BICD2: variants seen among roughly 807,000 people sequenced by gnomAD.
The protein encoded by BICD2 is protein bicaudal D homolog 2.
A neutral mutation model predicts 72.9 loss-of-function variants in BICD2; 25 were observed. The ratio of observed to expected loss-of-function variants is 0.34; its 90% CI spans 0.25 to 0.48. The LOEUF (loss-of-function observed/expected upper bound fraction) is 0.48. Ranked by LOEUF, BICD2 falls within the 20% of genes least tolerant of loss-of-function variation. The probability of loss-of-function intolerance (pLI) is 0.99; values close to 1 mark genes in which losing one functional copy is unlikely to be tolerated. For synonymous variants in BICD2, 501 were observed against 516.1 expected (o/e 0.97, Z 0.40); for missense variants, 894 against 1,175.2 (o/e 0.76, Z 3.50).
intron 1 of BICD2, among the ~76,000 whole-genome samples, chr9:92,742,998 A>G (rs759927458): frequency 6.6e-6 from 1 of 152,204 alleles, no homozygotes; most frequent in South Asian, 2.1e-4. Context: ...TTAGGCTATT[A>G]TAAGTGGAAC....
chr9:92,756,496 C>T (rs1854260571), intron 1 of BICD2, among the ~76,000 whole-genome samples: 1 of 151,202 alleles, frequency 6.6e-6, no homozygotes, highest in Non-Finnish European at 1.5e-5. Flanking sequence ...CTGCTGACCT[C>T]GTGATCCGCC....
At chr9:92,763,942 A>C (rs541952066) in intron 1 of BICD2, among the ~76,000 whole-genome samples, 1 of 152,270 alleles carries the variant, frequency 6.6e-6, no homozygotes, top group Non-Finnish European at 1.5e-5. Flanking sequence ...GCCCCTACTC[A>C]CTTAGGCCGC....
chr9:92,737,545 G>A (rs1460264470), intron 1 of BICD2, among the ~76,000 whole-genome samples: 2 of 152,164 alleles, frequency 1.3e-5, no homozygotes, highest in Admixed American at 1.3e-4. Context: ...CATACCAGAC[G>A]CTTAGGCCCT....
intron 1 of BICD2, among the ~76,000 whole-genome samples, chr9:92,759,806 G>A (rs1854334198): frequency 6.6e-6 from 1 of 152,252 alleles, no homozygotes; most frequent in Non-Finnish European, 1.5e-5. Context: ...GTGTGTAACA[G>A]TTTCATCTGG....
Position 92,722,716 on chromosome 9 carries a change from C to T in BICD2, c.546G>A (p.Ser182=), listed in dbSNP as rs770320084. Residue 182 remains serine (S), a synonymous_variant, in exon 3 of 7, where the codon TCG becomes TCA. Transcript: ENST00000356884. ...GGCTGATGTTCTCCTCCTCCAGTTC[C>T]GAGTAGTCCTGCAGCAGACGAGCTT... The part of the protein sequence containing the change: ...FREARLLQDY[S]ELEEENISLQ... 9.3e-6 allele frequency: 15 copies of T among 1,614,220 alleles called. No individual in the cohort carries two copies. Among genetic ancestry groups the T allele is most frequent in the South Asian group, 4.4e-5 (4 of 91,084 alleles).
chr9:92,719,498 G>C lies in BICD2; in HGVS notation c.1147C>G (p.Gln383Glu). 1.9e-6 allele frequency: 3 copies of C among 1,613,946 alleles called. No homozygotes were observed. Among genetic ancestry groups the C allele is most frequent in the Non-Finnish European group, 1.7e-6 (2 of 1,180,016 alleles). ...LEHTRGSLSE[Q>E]QEKVTRLTEN... The stretch of plus-strand genomic sequence containing the variant: ...GTGAGGCGGGTCACCTTCTCCTGCT[G>C]TTCTGACAGGGAGCCCCGCGTGTGC... The change falls in exon 5 of 7, where the codon CAG becomes GAG. Residue 383 changes from glutamine (Q) to glutamate (E), a missense_variant. Physicochemically the swap from Gln to Glu is conservative, Grantham distance 29. Coordinates refer to ENST00000356884, the MANE Select transcript of BICD2 (RefSeq NM_001003800.2).
At chr9:92,751,732 C>T (rs1854153570) in intron 1 of BICD2, among the ~76,000 whole-genome samples, 1 of 151,588 alleles carries the variant, frequency 6.6e-6, no homozygotes, top group Non-Finnish European at 1.5e-5. Flanking sequence ...AGTATGAACT[C>T]ATGGTTAACT....
rs1240963153 is a variant in BICD2 at position 92,719,103 on chromosome 9, G to A, written c.1542C>T (p.Gly514=). 5.6e-6 allele frequency: 9 copies of A among 1,612,760 alleles called. No individual in the cohort carries two copies. Among genetic ancestry groups the A allele is most frequent in the Admixed American group, 3.3e-5 (2 of 60,022 alleles). The change falls in exon 5 of 7, where the codon GGC becomes GGT. Residue 514 remains glycine (G), a synonymous_variant. Transcript: ENST00000356884. Reference sequence around the variant, plus strand: ...CCACACTCAGGCTGCCCTGTGTCTCGCCGGCGACGTCGCTCACCTTCTTTA... The same window carrying A: ...CCACACTCAGGCTGCCCTGTGTCTCACCGGCGACGTCGCTCACCTTCTTTA... ...KELKKVSDVA[G]ETQGSLSVAQ... is the part of the protein sequence containing the mutation.
intron 1 of BICD2, among the ~76,000 whole-genome samples, chr9:92,751,071 T>C (rs1024959336): frequency 6.6e-6 from 1 of 151,700 alleles, no homozygotes; most frequent in Non-Finnish European, 1.5e-5. Flanking sequence ...CCACCAAGCC[T>C]GGCTAATTTT....
Position 92,716,651 on chromosome 9 carries a change from A to G in BICD2, c.2258+1146T>C, listed in dbSNP as rs190896234. Among the ~76,000 whole-genome samples the G allele has an allele frequency of 5.1e-3, 773 of 152,340 alleles. 4 individuals carry two copies. The highest frequency in any genetic ancestry group is 0.017 in the African/African-American group (713 of 41,574). On this transcript the variant is annotated intron_variant, in intron 6 of 6. Coordinates refer to ENST00000356884, the MANE Select transcript of BICD2 (RefSeq NM_001003800.2). The stretch of plus-strand genomic sequence containing the variant: ...CTGTCCCCCATGCAGGGCTGACCCC[A>G]TGGTGCTATCCCAACATGACCCAGC...
intron 1 of BICD2, among the ~76,000 whole-genome samples, chr9:92,755,380 T>C (rs1231643917): frequency 6.6e-6 from 1 of 152,222 alleles, no homozygotes; most frequent in Non-Finnish European, 1.5e-5. Context: ...TCCACTTGCC[T>C]CATGATATTC....
At chr9:92,742,634 C>T (rs1043703577) in intron 1 of BICD2, among the ~76,000 whole-genome samples, 1 of 152,072 alleles carries the variant, frequency 6.6e-6, no homozygotes. Context: ...CCGCCCACCT[C>T]GACCTCCCAA....
At chr9:92,749,557 C>A (rs1445586991) in intron 1 of BICD2, among the ~76,000 whole-genome samples, 1 of 152,250 alleles carries the variant, frequency 6.6e-6, no homozygotes, top group Non-Finnish European at 1.5e-5. Flanking sequence ...AACCGTGAAC[C>A]CCAGCTGCCC....
Position 92,713,394 on chromosome 9 carries a change from AGGGAAG to A in BICD2, c.*1754_*1759del. 6.5e-7 allele frequency: 1 copy of A among 1,536,980 alleles called. No homozygotes were observed. The highest frequency in any genetic ancestry group is 8.9e-7 in the Non-Finnish European group (1 of 1,128,250). On this transcript the variant is annotated 3_prime_UTR_variant, in exon 7 of 7. Coordinates refer to ENST00000356884, the MANE Select transcript of BICD2 (RefSeq NM_001003800.2). Reference sequence around the variant, plus strand: ...TTCCTTCCTCCTTGTGGGCCACGAGAGGGAAGGGGAAGGGGCTGCAGTGTGACAGGG... The same window carrying A: ...TTCCTTCCTCCTTGTGGGCCACGAGAGGGAAGGGGCTGCAGTGTGACAGGG...
At chr9:92,747,320 G>C (rs1854034693) in intron 1 of BICD2, among the ~76,000 whole-genome samples, 1 of 152,216 alleles carries the variant, frequency 6.6e-6, no homozygotes, top group Non-Finnish European at 1.5e-5. Context: ...GCGAGAGGCT[G>C]GGCAGCTCTG....
In BICD2 at chr9:92,720,768, G is replaced by C. The variant is rs1853449289; in HGVS notation, c.607-13C>G. The stretch of plus-strand genomic sequence containing the variant: ...CCTCAAACTCCACCTGGGAAGAGAA[G>C]TCAACGCTCTTGCATCAATGCAATG... On this transcript the variant is annotated splice_polypyrimidine_tract_variant and intron_variant, in intron 3 of 6. Coordinates refer to ENST00000356884, the MANE Select transcript of BICD2 (RefSeq NM_001003800.2). The surrounding 1 kb of genome is among the most constrained non-coding windows in gnomAD (Gnocchi z 5.4). 5.0e-6 allele frequency: 8 copies of C among 1,611,260 alleles called. No homozygotes were observed. Among genetic ancestry groups the C allele is most frequent in the Non-Finnish European group, 6.8e-6 (8 of 1,178,354 alleles).
Position 92,729,248 on chromosome 9 carries a change from G to A in BICD2, c.241-12C>T. On this transcript the variant is annotated splice_polypyrimidine_tract_variant and intron_variant, in intron 1 of 6. Transcript: ENST00000356884. ...GCTTGTCCAAAGGCCTGCATCAGAA[G>A]ACAAGACACTCGTGAGGTGGGCCTC... 1.2e-6 allele frequency: 2 copies of A among 1,613,604 alleles called. No individual in the cohort carries two copies. Among genetic ancestry groups the A allele is most frequent in the Non-Finnish European group, 1.7e-6 (2 of 1,179,724 alleles).
Position 92,718,596 on chromosome 9 carries a change from G to A in BICD2, c.2049C>T (p.Leu683=). ...MEEILKLKSL[L]STKREQITTL... ...TGGTGATCTGCTCCCGCTTGGTGCT[G>A]AGCAGCGACTTCAGCTTGAGGATCT... The change falls in exon 5 of 7, where the codon CTC becomes CTT. Residue 683 remains leucine, a synonymous_variant. Transcript: ENST00000356884. 2.5e-6 allele frequency: 4 copies of A among 1,613,636 alleles called. No individual in the cohort carries two copies. Among genetic ancestry groups the A allele is most frequent in the Non-Finnish European group, 3.4e-6 (4 of 1,180,036 alleles).
rs145785304 is a variant in BICD2, at chr9:92,746,631, C to T, written c.241-17395G>A. Among the ~76,000 whole-genome samples, 115 of 152,060 alleles carry T rather than the reference C, an allele frequency of 7.6e-4. 1 individual carries two copies. Among genetic ancestry groups the T allele is most frequent in the South Asian group, 7.5e-3 (36 of 4,804 alleles). ...TGCCCAGCACCCAACAACAGGTGGA[C>T]GGCAGTAACTCTAGTATGATGACAC... On this transcript the variant is annotated intron_variant, in intron 1 of 6. Transcript: ENST00000356884.
Sources: allele counts gnomAD v4.1 joint callset (sites outside exome capture counted in the v4.1 genomes callset), GRCh38; gene constraint gnomAD v4.1.1; non-coding constraint Gnocchi (gnomAD v3.1); transcripts MANE v1.5; gene names NCBI Gene and HGNC (gene_info 2026-07-23, HGNC 2026-07-21).